ITSN2: variants seen among roughly 807,000 people sequenced by gnomAD.
ITSN2 encodes the protein intersectin 2.
In ITSN2, 156 loss-of-function variants were observed where a neutral mutation model predicts 243.7. That is an observed-to-expected ratio of 0.64 (90% confidence interval 0.56 to 0.73). The LOEUF (loss-of-function observed/expected upper bound fraction) is 0.73. Ranked by LOEUF, ITSN2 falls within the 30% of genes least tolerant of loss-of-function variation. The pLI, the probability that ITSN2 is intolerant of heterozygous loss-of-function variation, is 0.00. For missense variants in ITSN2, 1,801 were observed against 1,996.1 expected (o/e 0.90, Z 1.86); for synonymous variants, 703 against 699.9 (o/e 1.00, Z -0.07).
In ITSN2 at chr2:24,272,879, C is replaced by G. The variant is rs573259532; in HGVS notation, c.2082-938G>C. On this transcript the variant is annotated intron_variant, in intron 18 of 39. Transcript: ENST00000355123. ...TTGGTTTCCAGCCAGTCAAGGTGATCTGTGATCAATTATTTTAGTATTAGA... is the reference window on the plus strand; with the variant it reads ...TTGGTTTCCAGCCAGTCAAGGTGATGTGTGATCAATTATTTTAGTATTAGA... Among the ~76,000 whole-genome samples the G allele has an allele frequency of 7.2e-5, 11 of 152,334 alleles. No individual in the cohort carries two copies. In the South Asian group the frequency reaches 2.1e-3, roughly 29 times the overall value.
At chr2:24,354,981 C>T (rs891735341) in intron 1 of ITSN2, among the ~76,000 whole-genome samples, 5 of 152,200 alleles carry the variant, frequency 3.3e-5, no homozygotes, top group South Asian at 2.1e-4. Context: ...ATACATTCTG[C>T]AAATGAAATA....
In ITSN2 at chr2:24,339,848, G is replaced by A. The variant is rs112385982; in HGVS notation, c.-33-11733C>T. On this transcript the variant is annotated intron_variant, in intron 1 of 39. Coordinates refer to ENST00000355123, the MANE Select transcript of ITSN2 (RefSeq NM_006277.3). ...TCAAGACTAGCCTGGGCAACACAGG[G>A]AGACTCTTTCTCTACAAAAAATTAA... 2.8e-3 allele frequency among the ~76,000 whole-genome samples: 429 copies of A among 152,156 alleles called. 4 individuals carry two copies. Among genetic ancestry groups the A allele is most frequent in the African/African-American group, 1.0e-2 (414 of 41,514 alleles).
intron 17 of ITSN2, among the ~76,000 whole-genome samples, chr2:24,282,052 A>G (rs1209591859): frequency 6.6e-6 from 1 of 152,264 alleles, no homozygotes; most frequent in Admixed American, 6.5e-5. Flanking sequence ...CCTCGGGCCT[A>G]TGCCCATGAA....
intron 29 of ITSN2, among the ~76,000 whole-genome samples, chr2:24,233,455 C>A (rs1217267320): frequency 6.6e-6 from 1 of 152,036 alleles, no homozygotes; most frequent in Non-Finnish European, 1.5e-5. Flanking sequence ...ATTTTCTTTA[C>A]CCTCCATCTT....
chr2:24,275,716 G>C lies in ITSN2; in HGVS notation c.2078C>G (p.Ala693Gly), dbSNP rs769759639. The part of the protein sequence containing the change: ...MQKKKLEDEA[A>G]RKAKQGKENL... ...ATAAATATATCAGCTATATTACCTT[G>C]CAGCCTCATCTTCTAGTTTCTTTTT... Residue 693 changes from alanine (A) to glycine (G), a missense_variant, in exon 18 of 40, where the codon GCA (alanine) becomes GGA (glycine). Ala to Gly is a moderately conservative substitution (Grantham distance 60). Transcript: ENST00000355123. 1.1e-5 allele frequency: 17 copies of C among 1,606,984 alleles called. No individual in the cohort carries two copies. The South Asian group carries it at 1.9e-4, about 18-fold the overall frequency.
chr2:24,293,630 G>T, intron 15 of ITSN2, 58 bp downstream of exon 15: 1 of 660,856 alleles, frequency 1.5e-6, no homozygotes, highest in South Asian at 2.0e-5. Context: ...GTAACAATGT[G>T]ACTGATACAG....
At chr2:24,206,350 G>A (rs1473789866) in intron 37 of ITSN2, 2 of 370,646 alleles carry the variant, frequency 5.4e-6, no homozygotes, top group Non-Finnish European at 1.1e-5. Context: ...CAGGAGGGCA[G>A]GCTGCATGGG....
intron 2 of ITSN2, chr2:24,321,883 A>G (rs1205773727): frequency 8.5e-5 from 13 of 152,170 alleles, no homozygotes; most frequent in Admixed American, 8.5e-4. Flanking sequence ...GCATTAACCT[A>G]TAAATTAAAG....
chr2:24,323,352 G>A (rs945575475), intron 2 of ITSN2, among the ~76,000 whole-genome samples: 1 of 152,134 alleles, frequency 6.6e-6, no homozygotes, highest in African/African-American at 2.4e-5. Flanking sequence ...ACGGCTGAAT[G>A]GATAAATAAA....
chr2:24,341,769 G>A (rs1252471679), intron 1 of ITSN2, among the ~76,000 whole-genome samples: 3 of 152,088 alleles, frequency 2.0e-5, no homozygotes, highest in Admixed American at 6.6e-5. Flanking sequence ...CGGGAGAATA[G>A]CTTGAACCTG....
In ITSN2 at chr2:24,308,744, C is replaced by T. The variant is rs778654550; in HGVS notation, c.666G>A (p.Ser222=). Residue 222 remains serine, a synonymous_variant, in exon 8 of 40, where the codon TCG becomes TCA. Coordinates refer to ENST00000355123, the MANE Select transcript of ITSN2 (RefSeq NM_006277.3). ...GTGAGTTCCCTGAGAGTGAAGCAGT[C>T]GAGGAAGTTGAGCTATAAAAAAATT... The part of the protein sequence containing the change: ...IDLGSSSSTS[S]TASLSGNSPK... The T allele has an allele frequency of 1.5e-5, 22 of 1,422,934 alleles. No homozygotes were observed. Among genetic ancestry groups the T allele is most frequent in the African/African-American group, 5.9e-5 (4 of 68,140 alleles). 88.1% of individuals were successfully genotyped at this position (1,422,934 alleles called of 1,614,324 possible). A position where few individuals can be genotyped will look rare whatever the true frequency, so the allele number is the denominator to read the frequency against.
At chr2:24,324,620 C>T (rs533921255) in intron 2 of ITSN2, among the ~76,000 whole-genome samples, 1 of 152,016 alleles carries the variant, frequency 6.6e-6, no homozygotes, top group African/African-American at 2.4e-5. Context: ...AAGGCTAGGG[C>T]AGGAGGATCA....
intron 29 of ITSN2, among the ~76,000 whole-genome samples, chr2:24,238,341 T>C (rs989909950): frequency 2.0e-5 from 3 of 152,164 alleles, no homozygotes; most frequent in Non-Finnish European, 4.4e-5. Context: ...TACATGTTAG[T>C]TGAATAAGTT....
intron 17 of ITSN2, among the ~76,000 whole-genome samples, chr2:24,282,647 C>T (rs548359799): frequency 2.6e-5 from 4 of 152,264 alleles, no homozygotes; most frequent in Non-Finnish European, 5.9e-5. Context: ...TAGACACTGC[C>T]GTGGGGTCAG....
chr2:24,278,645 CTTTTTTTT>C (rs908928502), intron 17 of ITSN2, among the ~76,000 whole-genome samples: 2 of 103,008 alleles, frequency 1.9e-5, no homozygotes, highest in Non-Finnish European at 3.7e-5. Flanking sequence ...TGTTCTCAAT[CTTTTTTTT>C]TTTTTTTTTT....
intron 1 of ITSN2, among the ~76,000 whole-genome samples, chr2:24,348,483 C>T (rs1377481688): frequency 6.6e-6 from 1 of 152,110 alleles, no homozygotes; most frequent in Non-Finnish European, 1.5e-5. Flanking sequence ...AGCCACAGCA[C>T]CCGGCAGCCC....
At chr2:24,335,553 C>A (rs1686268688) in intron 1 of ITSN2, among the ~76,000 whole-genome samples, 2 of 152,116 alleles carry the variant, frequency 1.3e-5, no homozygotes, top group Non-Finnish European at 2.9e-5. Flanking sequence ...AGGCTGGTCT[C>A]CAACTCCTGG....
intron 20 of ITSN2, among the ~76,000 whole-genome samples, chr2:24,268,772 C>A (rs1030078540): frequency 2.7e-5 from 4 of 150,784 alleles, no homozygotes; most frequent in Non-Finnish European, 5.9e-5. Flanking sequence ...AAAAAAAAAA[C>A]TTCCCTCAAC....
intron 1 of ITSN2, among the ~76,000 whole-genome samples, chr2:24,358,892 G>A (rs1688699183): frequency 6.6e-6 from 1 of 152,166 alleles, no homozygotes; most frequent in Admixed American, 6.5e-5. Context: ...TCTTGGACGA[G>A]TTTACCTTTC....
Sources: allele counts gnomAD v4.1 joint callset (sites outside exome capture counted in the v4.1 genomes callset), GRCh38; gene constraint gnomAD v4.1.1; transcripts MANE v1.5; gene names NCBI Gene and HGNC (gene_info 2026-07-23, HGNC 2026-07-21).